Variants in CCDC136 observed in about 807,000 individuals in gnomAD.
CCDC136 encodes the protein coiled-coil domain containing 136, also known as coiled-coil domain-containing protein 136.
A neutral mutation model predicts 141.2 loss-of-function variants in CCDC136; 100 were observed. The ratio of observed to expected loss-of-function variants is 0.71; its 90% CI spans 0.60 to 0.84. CCDC136 has a LOEUF of 0.84. Ranked by LOEUF, CCDC136 falls within the 40% of genes least tolerant of loss-of-function variation. CCDC136 has a pLI of 0.00. For missense variants in CCDC136, 1,206 were observed against 1,379.4 expected, an observed-to-expected ratio of 0.87 and a Z score of 1.99; for synonymous variants, 474 against 531.9, an observed-to-expected ratio of 0.89 and a Z score of 1.50.
chr7:128,811,929 T>C lies in CCDC136; in HGVS notation c.2158T>C (p.Leu720=), dbSNP rs1243516285. 6.2e-7 allele frequency: 1 copy of C among 1,613,772 alleles called. No homozygotes were observed. The highest frequency in any genetic ancestry group is 8.5e-7 in the Non-Finnish European group (1 of 1,179,816). ...LEERKRLQAD[L]QLCLEEMQLL... is the part of the protein sequence containing the mutation. ...GGAGCGGAAGAGGCTGCAGGCAGACTTGCAGCTCTGCCTGGAAGAAATGCA... is the reference window on the plus strand; with the variant it reads ...GGAGCGGAAGAGGCTGCAGGCAGACCTGCAGCTCTGCCTGGAAGAAATGCA... The change falls in exon 13 of 18, where the codon TTG becomes CTG. Residue 720 remains leucine (L), a synonymous_variant. Transcript: ENST00000297788.
At chr7:128,819,703 T>C (rs909406257) in intron 17 of CCDC136, among the ~76,000 whole-genome samples, 4 of 152,108 alleles carry the variant, frequency 2.6e-5, no homozygotes, top group African/African-American at 4.8e-5. Flanking sequence ...AGAAGTTAAG[T>C]AAAACAGCCA....
chr7:128,800,776 C>CAAA (rs1803905036), intron 3 of CCDC136, among the ~76,000 whole-genome samples: 1 of 152,166 alleles, frequency 6.6e-6, no homozygotes, highest in Non-Finnish European at 1.5e-5. Context: ...TCTGAGCTCT[C>CAAA]AGGATGAATA....
rs1802606868 is a variant in CCDC136 at position 128,794,203 on chromosome 7, C to T, written c.17-145C>T. 2 of 1,065,798 alleles carry T rather than the reference C, an allele frequency of 1.9e-6. No individual in the cohort carries two copies. The highest frequency in any genetic ancestry group is 2.6e-5 in the East Asian group (1 of 38,640). The allele number at this position is 1,065,798 out of a possible 1,614,324, so 66.0% of individuals were successfully genotyped here. A position where few individuals can be genotyped will look rare whatever the true frequency, so the allele number is the denominator to read the frequency against. On this transcript the variant is annotated intron_variant, in intron 1 of 17. Transcript: ENST00000297788. The surrounding 1 kb of genome is among the most constrained non-coding windows in gnomAD (Gnocchi z 4.3). ...CACACCTGAGGACTCATCTTGAGTA[C>T]AGGTCTTGCCCCGGGGCTCCTTGGG... is the stretch of plus-strand genomic sequence containing the variant.
intron 4 of CCDC136, among the ~76,000 whole-genome samples, chr7:128,803,226 G>T (rs771427223): frequency 6.6e-6 from 1 of 152,024 alleles, no homozygotes; most frequent in Non-Finnish European, 1.5e-5. Flanking sequence ...GGCTGGTCTC[G>T]AACTCCTGGG....
intron 5 of CCDC136, 81 bp downstream of exon 5, chr7:128,804,842 G>A: frequency 1.2e-6 from 1 of 859,680 alleles, no homozygotes; most frequent in Non-Finnish European, 1.9e-6. Flanking sequence ...GAAGGCAGAT[G>A]CCAGGGCAGT....
chr7:128,806,081 G>A (rs1437611174), intron 7 of CCDC136, among the ~76,000 whole-genome samples, 156 bp from the exon 8 acceptor site: 5 of 152,164 alleles, frequency 3.3e-5, no homozygotes, highest in Admixed American at 3.3e-4. Flanking sequence ...TAGAAATGGT[G>A]GTCATTACTG....
Position 128,794,161 on chromosome 7 carries a change from C to T in CCDC136, c.17-187C>T. ...AAGGGCCTGGGAGGTGGAGGGGCTG[C>T]TTCTCAACTTGACTCTCACACCTGA... is the stretch of plus-strand genomic sequence containing the variant. On this transcript the variant is annotated intron_variant, in intron 1 of 17. Coordinates refer to ENST00000297788, the MANE Select transcript of CCDC136 (RefSeq NM_022742.5). This position sits in a 1 kb window ranked among gnomAD's most constrained non-coding sequence, Gnocchi z 4.3. 1.3e-6 allele frequency: 1 copy of T among 747,550 alleles called. No homozygotes were observed. The highest frequency in any genetic ancestry group is 2.3e-6 in the Non-Finnish European group (1 of 432,022). 46.3% of individuals were successfully genotyped at this position (747,550 alleles called of 1,614,324 possible). A position where few individuals can be genotyped will look rare whatever the true frequency, so the allele number is the denominator to read the frequency against.
At chr7:128,800,494 CA>C (rs1803860432) in intron 3 of CCDC136, among the ~76,000 whole-genome samples, 1 of 151,412 alleles carries the variant, frequency 6.6e-6, no homozygotes. Context: ...TGGGTTTCAC[CA>C]TGTTGGCCAG....
chr7:128,796,739 A>ATATATTTTTTTTTTTT, intron 3 of CCDC136, among the ~76,000 whole-genome samples: 12 of 113,382 alleles, frequency 1.1e-4, no homozygotes, highest in South Asian at 2.7e-4. Flanking sequence ...ATATATATAT[A>ATATATTTTTTTTTTTT]TTCTTTTTTT....
At chr7:128,820,047 A>G (rs528867588) in intron 17 of CCDC136, among the ~76,000 whole-genome samples, 1 of 152,230 alleles carries the variant, frequency 6.6e-6, no homozygotes, top group South Asian at 2.1e-4. Flanking sequence ...TTACCTTATA[A>G]GGTTTTGTGT....
chr7:128,803,690 G>A (rs1440624059), intron 4 of CCDC136, among the ~76,000 whole-genome samples: 2 of 152,122 alleles, frequency 1.3e-5, no homozygotes, highest in Non-Finnish European at 2.9e-5. Context: ...TATAGGTATA[G>A]GTGACTGGTG....
At position 128,810,385 on chromosome 7, in the gene CCDC136, A is replaced by G. The variant is rs1269363905; in HGVS notation, c.2028+19A>G. The G allele has an allele frequency of 6.4e-7, 1 of 1,557,738 alleles. No homozygotes were observed. The highest frequency in any genetic ancestry group is 8.8e-7 in the Non-Finnish European group (1 of 1,131,810). On this transcript the variant is annotated intron_variant, in intron 12 of 17. Coordinates refer to ENST00000297788, the MANE Select transcript of CCDC136 (RefSeq NM_022742.5). ...AAACAAGGTAACCATAGCAAGAGGTAGGGAGACAGTTCTCCTGAGCACAAC... is the reference window on the plus strand; with the variant it reads ...AAACAAGGTAACCATAGCAAGAGGTGGGGAGACAGTTCTCCTGAGCACAAC...
intron 1 of CCDC136, among the ~76,000 whole-genome samples, chr7:128,793,678 C>T (rs1251769966): frequency 2.0e-5 from 3 of 152,172 alleles, no homozygotes; most frequent in Admixed American, 1.3e-4. Context: ...GGCTCGATCT[C>T]GCCTCACTGC....
At chr7:128,808,730 T>A in intron 10 of CCDC136, 3 of 985,426 alleles carry the variant, frequency 3.0e-6, no homozygotes, top group Non-Finnish European at 3.6e-6. Flanking sequence ...TCACGTTTCC[T>A]CCTTTTTCCA....
chr7:128,821,240 G>A lies in CCDC136; in HGVS notation c.*6-559G>A, dbSNP rs1807396915. Among the ~76,000 whole-genome samples the A allele has an allele frequency of 6.6e-6, 1 of 152,154 alleles. No individual in the cohort carries two copies. On this transcript the variant is annotated intron_variant, in intron 17 of 17. Coordinates refer to ENST00000297788, the MANE Select transcript of CCDC136 (RefSeq NM_022742.5). The surrounding 1 kb of genome is among the most constrained non-coding windows in gnomAD (Gnocchi z 5.1). ...GATTAGGAGTGTTCTAATGACCTAG[G>A]CCCAGTGACAGGTTTCCTTAAATTT...
In CCDC136 at chr7:128,811,996, A is replaced by T; in HGVS notation, c.2225A>T (p.Glu742Val). Residue 742 changes from glutamate to valine, a missense_variant, in exon 13 of 18, where the codon GAG becomes GTG. Physicochemically the swap from Glu to Val is moderately radical, Grantham distance 121 (BLOSUM62 -2). Transcript: ENST00000297788. Reference protein sequence around the residue: ...VQSPSIKMSLESYGKSYGSMV... With the variant: ...VQSPSIKMSLVSYGKSYGSMV... ...TCCCCTTCTATAAAAATGAGCCTTG[A>T]GTCCTACGGGAAGAGCTATGGTAGC... 6.2e-7 allele frequency: 1 copy of T among 1,614,028 alleles called. No individual in the cohort carries two copies. The highest frequency in any genetic ancestry group is 8.5e-7 in the Non-Finnish European group (1 of 1,179,868).
chr7:128,810,008 A>G, intron 11 of CCDC136, 131 bp from the exon 12 acceptor site: 2 of 631,696 alleles, frequency 3.2e-6, no homozygotes, highest in Non-Finnish European at 5.5e-6. Context: ...CCGTCCCCAG[A>G]TGGGCTCTGT....
rs1258578701 is a variant in CCDC136 at position 128,792,204 on chromosome 7, G to A, written c.-208G>A. The A allele has an allele frequency of 6.7e-7, 1 of 1,483,554 alleles. No individual in the cohort carries two copies. 91.9% of individuals were successfully genotyped at this position (1,483,554 alleles called of 1,614,324 possible). Reference sequence around the variant, plus strand: ...CCAGAGTGAGTCAGGCACCTCCACTGGGATTACAGATCCCAGAGCCTCGAG... The same window carrying A: ...CCAGAGTGAGTCAGGCACCTCCACTAGGATTACAGATCCCAGAGCCTCGAG... On this transcript the variant is annotated 5_prime_UTR_variant, in exon 1 of 18. Coordinates refer to ENST00000297788, the MANE Select transcript of CCDC136 (RefSeq NM_022742.5).
upstream of CCDC136, chr7:128,791,799 C>T: frequency 2.5e-6 from 1 of 393,336 alleles, no homozygotes; most frequent in Non-Finnish European, 4.4e-6. The surrounding 1 kb of genome is among the most constrained non-coding windows in gnomAD (Gnocchi z 7.1). Flanking sequence ...TTCAGTCCGA[C>T]GGTGCTTCCA....
Sources: allele counts gnomAD v4.1 joint callset (sites outside exome capture counted in the v4.1 genomes callset), GRCh38; gene constraint gnomAD v4.1.1; non-coding constraint Gnocchi (gnomAD v3.1); transcripts MANE v1.5; gene names NCBI Gene and HGNC (gene_info 2026-07-23, HGNC 2026-07-21).